Variants in MSRB3 observed in about 807,000 individuals in gnomAD.
MSRB3 encodes the protein methionine-R-sulfoxide reductase B3.
Under a neutral mutation model 21.0 loss-of-function variants are expected in MSRB3, and 13 were observed. The ratio of observed to expected loss-of-function variants is 0.62; its 90% confidence interval spans 0.40 to 0.98. The LOEUF (loss-of-function observed/expected upper bound fraction) is 0.98, where lower values mean the gene tolerates loss of function less well. MSRB3 is among the 50% of genes least tolerant of loss of function. The probability of loss-of-function intolerance (pLI) is 0.00; values close to 1 mark genes in which losing one functional copy is unlikely to be tolerated. For synonymous variants in MSRB3, 87 were observed against 88.6 expected, an observed-to-expected ratio of 0.98 and a Z score of 0.10; for missense variants, 199 against 230.3, an observed-to-expected ratio of 0.86 and a Z score of 0.88.
At chr12:65,282,423 G>A (rs1872083242) in intron 1 of MSRB3, among the ~76,000 whole-genome samples, 1 of 152,002 alleles carries the variant, frequency 6.6e-6, no homozygotes, top group Non-Finnish European at 1.5e-5. Context: ...GTACAAAAAA[G>A]GAAAGTATAG....
chr12:65,444,173 A>C (rs1372312454), intron 5 of MSRB3, among the ~76,000 whole-genome samples: 1 of 152,132 alleles, frequency 6.6e-6, no homozygotes, highest in East Asian at 1.9e-4. Context: ...AGAAAGTACT[A>C]CTGGGTGCTG....
chr12:65,432,549 G>GT (rs1158752980), intron 5 of MSRB3, among the ~76,000 whole-genome samples: 2 of 151,906 alleles, frequency 1.3e-5, no homozygotes, highest in Non-Finnish European at 2.9e-5. Context: ...CCTGACTAAG[G>GT]TAAATGGATT....
chr12:65,387,157 A>G (rs1879234509), intron 5 of MSRB3, among the ~76,000 whole-genome samples: 1 of 152,100 alleles, frequency 6.6e-6, no homozygotes, highest in Non-Finnish European at 1.5e-5. Context: ...ATGAAAGGCA[A>G]TGAACAAGGG....
In MSRB3 at chr12:65,288,661, A is replaced by G. The variant is rs1001066760; in HGVS notation, c.-52+9796A>G. 5.3e-5 allele frequency among the ~76,000 whole-genome samples: 8 copies of G among 152,326 alleles called. 2 individuals are homozygous for G. The Middle Eastern group carries it at 0.01, about 194-fold the overall frequency. ...AGGACTAGAAATTATGTCTTTCTAA[A>G]TGTACAGCTGGGAATTGCTTATTTA... On this transcript the variant is annotated intron_variant, in intron 1 of 6. Transcript: ENST00000308259.
At chr12:65,331,073 A>G (rs1875383345) in intron 4 of MSRB3, among the ~76,000 whole-genome samples, 1 of 152,196 alleles carries the variant, frequency 6.6e-6, no homozygotes, top group Non-Finnish European at 1.5e-5. Flanking sequence ...ATGTATCTCT[A>G]AGGTTTTGTC....
rs192845564 is a variant in MSRB3, at chr12:65,465,433, G to T, written c.*2111G>T. 6.6e-6 allele frequency: 1 copy of T among 151,596 alleles called. No homozygotes were observed. Among genetic ancestry groups the T allele is most frequent in the African/African-American group, 2.4e-5 (1 of 41,406 alleles). 9.4% of individuals were successfully genotyped at this position (151,596 alleles called of 1,614,324 possible). A position where few individuals can be genotyped will look rare whatever the true frequency, so the allele number is the denominator to read the frequency against. ...ACAGCTTTCCTTGTAAGCACTAAGA[G>T]AAAAAAAAGAAAGAGGGACATTTGA... is the stretch of plus-strand genomic sequence containing the variant. On this transcript the variant is annotated 3_prime_UTR_variant, in exon 7 of 7. Transcript: ENST00000308259.
chr12:65,310,983 A>G (rs1041590024), intron 2 of MSRB3, among the ~76,000 whole-genome samples: 3 of 152,222 alleles, frequency 2.0e-5, no homozygotes, highest in African/African-American at 7.2e-5. Context: ...TAAACACCAT[A>G]TATGTCTTCA....
chr12:65,413,106 C>T (rs1880801948), intron 5 of MSRB3, among the ~76,000 whole-genome samples: 1 of 152,152 alleles, frequency 6.6e-6, no homozygotes, highest in African/African-American at 2.4e-5. Flanking sequence ...CTTAAGAAAT[C>T]CTACACTCAC....
intron 5 of MSRB3, among the ~76,000 whole-genome samples, chr12:65,396,438 C>T (rs1879782661): frequency 6.6e-6 from 1 of 152,078 alleles, no homozygotes; most frequent in African/African-American, 2.4e-5. Flanking sequence ...CGCCAATAAT[C>T]CCAGCACTTT....
At chr12:65,340,610 T>TA (rs1014539882) in intron 4 of MSRB3, among the ~76,000 whole-genome samples, 26 of 151,924 alleles carry the variant, frequency 1.7e-4, no homozygotes, top group Non-Finnish European at 2.9e-4. Flanking sequence ...ACATGAAAAA[T>TA]AAAAAATGTA....
intron 1 of MSRB3, among the ~76,000 whole-genome samples, chr12:65,288,903 T>A (rs898211717): frequency 6.6e-6 from 1 of 152,198 alleles, no homozygotes; most frequent in Non-Finnish European, 1.5e-5. Flanking sequence ...AAAATTCACT[T>A]ATAAGATTTG....
chr12:65,409,752 T>G (rs1880619015), intron 5 of MSRB3, among the ~76,000 whole-genome samples: 1 of 152,182 alleles, frequency 6.6e-6, no homozygotes, highest in Non-Finnish European at 1.5e-5. Flanking sequence ...GTTATCTAGA[T>G]TTATTATAAA....
At chr12:65,347,904 T>A (rs1876636069) in intron 4 of MSRB3, among the ~76,000 whole-genome samples, 10 of 152,252 alleles carry the variant, frequency 6.6e-5, no homozygotes. Flanking sequence ...TTTGCGTATG[T>A]TGAACCAGCC....
At chr12:65,379,789 G>T (rs577609739) in intron 5 of MSRB3, among the ~76,000 whole-genome samples, 4 of 152,108 alleles carry the variant, frequency 2.6e-5, no homozygotes, top group African/African-American at 9.7e-5. Flanking sequence ...AGCAGTCTTG[G>T]TTTCTAATAT....
intron 5 of MSRB3, among the ~76,000 whole-genome samples, chr12:65,425,910 G>A (rs565891876): frequency 6.6e-6 from 1 of 152,226 alleles, no homozygotes; most frequent in African/African-American, 2.4e-5. Context: ...AGGCTGGAGT[G>A]CAGTGGTGTG....
At chr12:65,407,323 A>G (rs1037130138) in intron 5 of MSRB3, among the ~76,000 whole-genome samples, 2 of 149,978 alleles carry the variant, frequency 1.3e-5, no homozygotes, top group Non-Finnish European at 3.0e-5. Flanking sequence ...AGAGTACAGT[A>G]TTCTGTCCTG....
At chr12:65,432,435 A>G (rs1053061743) in intron 5 of MSRB3, among the ~76,000 whole-genome samples, 3 of 152,026 alleles carry the variant, frequency 2.0e-5, no homozygotes, top group Non-Finnish European at 4.4e-5. Context: ...TCCACAAAAA[A>G]TAAGAGTTGA....
intron 2 of MSRB3, among the ~76,000 whole-genome samples, chr12:65,311,594 G>A (rs1873990106): frequency 6.6e-6 from 1 of 152,032 alleles, no homozygotes; most frequent in Admixed American, 6.6e-5. Context: ...GTCCCTATTA[G>A]TTTGTACAGG....
chr12:65,414,897 C>T (rs1880894926), intron 5 of MSRB3, among the ~76,000 whole-genome samples: 1 of 152,002 alleles, frequency 6.6e-6, no homozygotes, highest in South Asian at 2.1e-4. Flanking sequence ...CAGTTTTGAA[C>T]ATATTAATTT....
Sources: allele counts gnomAD v4.1 joint callset (sites outside exome capture counted in the v4.1 genomes callset), GRCh38; gene constraint gnomAD v4.1.1; transcripts MANE v1.5; gene names NCBI Gene and HGNC (gene_info 2026-07-23, HGNC 2026-07-21).